Variants in SACS observed in about 807,000 individuals in gnomAD.
The protein encoded by SACS is sacsin.
Under a neutral mutation model 348.0 loss-of-function variants are expected in SACS, and 197 were observed. That is an observed-to-expected ratio of 0.57 (90% CI 0.50 to 0.64). The LOEUF (loss-of-function observed/expected upper bound fraction) is 0.64. SACS is among the 30% of genes least tolerant of loss of function. SACS has a pLI of 0.00. For synonymous variants in SACS, 1,985 were observed against 1,910.6 expected, an observed-to-expected ratio of 1.04 and a Z score of -1.02; for missense variants, 4,999 against 5,360.8, an observed-to-expected ratio of 0.93 and a Z score of 2.11.
chr13:23,358,498 G>A lies in SACS; in HGVS notation c.458-17C>T, dbSNP rs765491872. ...GAGCTGGCCCTAGGTGTGAAAATGC[G>A]CAGGCAGGAATTCAAAAAAGATACC... On this transcript the variant is annotated splice_polypyrimidine_tract_variant and intron_variant, in intron 6 of 9. Transcript: ENST00000382292. 26 of 1,613,658 alleles carry A rather than the reference G, an allele frequency of 1.6e-5. No individual in the cohort carries two copies. The highest frequency in any genetic ancestry group is 1.6e-4 in the Middle Eastern group (1 of 6,082).
intron 2 of SACS, among the ~76,000 whole-genome samples, chr13:23,392,156 A>G (rs1012261679): frequency 1.3e-5 from 2 of 151,820 alleles, no homozygotes; most frequent in African/African-American, 2.4e-5. Context: ...CCTTTTGATG[A>G]CTCTTTTCCT....
rs1218699027 is a variant in SACS at position 23,334,468 on chromosome 13, A to G, written c.9408T>C (p.Val3136=). 6.2e-7 allele frequency: 1 copy of G among 1,612,608 alleles called. No individual in the cohort carries two copies. Among genetic ancestry groups the G allele is most frequent in the African/African-American group, 1.3e-5 (1 of 74,878 alleles). The change falls in exon 10 of 10, where the codon GTT becomes GTC. Residue 3136 remains valine (V), a synonymous_variant. Transcript: ENST00000382292. ...LKLFHSLKLL[V]DYCFKDAEEN... is the part of the protein sequence containing the mutation. ...CTTCTGCATCTTTAAAACAATAATC[A>G]ACTAAAAGTTTTAAACTATGAAAAA...
chr13:23,411,164 A>G, intron 2 of SACS, 56 bp downstream of exon 2: 1 of 1,484,500 alleles, frequency 6.7e-7, no homozygotes. Context: ...GGAAAATCCA[A>G]CAAGTCTTAA....
At chr13:23,427,349 CAG>C (rs1593186454) in intron 1 of SACS, 1 of 152,244 alleles carries the variant, frequency 6.6e-6, no homozygotes, top group African/African-American at 2.4e-5. Context: ...CTGTTAGGGA[CAG>C]GGGCTCCCCT....
chr13:23,402,518 T>TATG (rs1873022164), intron 2 of SACS, among the ~76,000 whole-genome samples: 2 of 152,226 alleles, frequency 1.3e-5, no homozygotes, highest in Admixed American at 6.5e-5. Flanking sequence ...TTTATTTGCA[T>TATG]AAGTTCAATA....
chr13:23,381,355 G>GCACACACACACACA lies in SACS; in HGVS notation c.21-6100_21-6087dup, dbSNP rs71100174. ...TCTGGCTGGACATGGGCAGCACGAAGCACACACACACACACACACACACAC... is the reference window on the plus strand; with the variant it reads ...TCTGGCTGGACATGGGCAGCACGAAGCACACACACACACACACACACACACACACACACACACAC... On this transcript the variant is annotated intron_variant, in intron 2 of 9. Coordinates refer to ENST00000382292, the MANE Select transcript of SACS (RefSeq NM_014363.6). 3.1e-3 allele frequency among the ~76,000 whole-genome samples: 428 copies of GCACACACACACACA among 140,056 alleles called. 2 individuals carry two copies. The highest frequency in any genetic ancestry group is 0.015 in the South Asian group (63 of 4,066). The allele number at this position is 140,056 out of a possible 152,430, so 91.9% of individuals were successfully genotyped here. A position where few individuals can be genotyped will look rare whatever the true frequency, so the allele number is the denominator to read the frequency against.
chr13:23,430,509 A>C (rs1182805281), intron 1 of SACS, among the ~76,000 whole-genome samples: 2 of 152,192 alleles, frequency 1.3e-5, no homozygotes, highest in Non-Finnish European at 2.9e-5. Context: ...TTGTAATCCT[A>C]TCAGGGTTTT....
chr13:23,376,017 A>C (rs1361780357), intron 2 of SACS, among the ~76,000 whole-genome samples: 1 of 152,092 alleles, frequency 6.6e-6, no homozygotes, highest in South Asian at 2.1e-4. Context: ...GTTACAGAAC[A>C]CAAGTGTCTT....
At chr13:23,394,276 C>G (rs1489032106) in intron 2 of SACS, among the ~76,000 whole-genome samples, 2 of 152,156 alleles carry the variant, frequency 1.3e-5, no homozygotes, top group African/African-American at 4.8e-5. Flanking sequence ...AAGAATGCTG[C>G]TAAGTCAGTT....
rs1873746406 is a variant in SACS at position 23,417,843 on chromosome 13, C to G, written c.-501-6103G>C. ...CAGCACTTTGGAACACTGAGGCAGGCGGAACCCCTGAGCTCAGGAGTTTGA... is the reference window on the plus strand; with the variant it reads ...CAGCACTTTGGAACACTGAGGCAGGGGGAACCCCTGAGCTCAGGAGTTTGA... On this transcript the variant is annotated intron_variant, in intron 1 of 9. Transcript: ENST00000382292. Among the ~76,000 whole-genome samples the G allele has an allele frequency of 2.0e-5, 3 of 151,898 alleles. No homozygotes were observed. In the South Asian group the frequency reaches 6.2e-4, roughly 32 times the overall value.
chr13:23,411,191 A>T, intron 2 of SACS, 29 bp downstream of exon 2: 1 of 1,578,678 alleles, frequency 6.3e-7, no homozygotes, highest in Non-Finnish European at 8.7e-7. Flanking sequence ...AATGCAAATT[A>T]TTGTCATTTA....
intron 2 of SACS, among the ~76,000 whole-genome samples, chr13:23,407,889 C>A (rs1034583338): frequency 1.3e-5 from 2 of 152,112 alleles, no homozygotes; most frequent in Non-Finnish European, 2.9e-5. Context: ...CCTTGATAGC[C>A]GATCATTGTT....
chr13:23,353,609 G>A (rs1183379878), intron 9 of SACS, 176 bp downstream of exon 9: 14 of 575,770 alleles, frequency 2.4e-5, no homozygotes, highest in Non-Finnish European at 4.4e-5. Flanking sequence ...GATTCTTTTA[G>A]ACAGCATCTC....
intron 2 of SACS, among the ~76,000 whole-genome samples, chr13:23,382,790 T>G (rs1213766926): frequency 7.5e-6 from 1 of 133,992 alleles, no homozygotes; most frequent in Non-Finnish European, 1.6e-5. Context: ...GTGGTTTTTG[T>G]TTTTTTTTTT....
Position 23,338,938 on chromosome 13 carries a change from C to T in SACS, c.4938G>A (p.Leu1646=), listed in dbSNP as rs1316203129. 5 of 1,613,466 alleles carry T rather than the reference C, an allele frequency of 3.1e-6. No homozygotes were observed. Among genetic ancestry groups the T allele is most frequent in the Non-Finnish European group, 4.2e-6 (5 of 1,179,846 alleles). Residue 1646 remains leucine (L), a synonymous_variant, in exon 10 of 10, where the codon CTG becomes CTA. Transcript: ENST00000382292. The part of the protein sequence containing the change: ...PYSYNGTLFR[L]SFRTQQEAKV... Reference sequence around the variant, plus strand: ...TTGCTTCCTGTTGAGTTCTAAAGGACAGTCGGAAAAGGGTTCCATTATAGC... The same window carrying T: ...TTGCTTCCTGTTGAGTTCTAAAGGATAGTCGGAAAAGGGTTCCATTATAGC...
intron 3 of SACS, chr13:23,373,469 T>G (rs886625257): frequency 6.5e-6 from 1 of 154,422 alleles, no homozygotes; most frequent in Non-Finnish European, 1.4e-5. Context: ...GAGGTTAAGA[T>G]CAATGCCCTC....
intron 1 of SACS, among the ~76,000 whole-genome samples, chr13:23,430,890 T>C (rs768076975): frequency 6.6e-6 from 1 of 152,202 alleles, no homozygotes; most frequent in Non-Finnish European, 1.5e-5. Context: ...ACGTGTCACC[T>C]TGGGTTTCAC....
chr13:23,403,549 T>G (rs1163054814), intron 2 of SACS, among the ~76,000 whole-genome samples: 1 of 152,226 alleles, frequency 6.6e-6, no homozygotes, highest in African/African-American at 2.4e-5. Flanking sequence ...GAGGTGTTTA[T>G]AGTATTCTCT....
Position 23,329,425 on chromosome 13 carries a change from T to C in SACS, c.*711A>G, listed in dbSNP as rs368233436. On this transcript the variant is annotated 3_prime_UTR_variant, in exon 10 of 10. Transcript: ENST00000382292. ...AGTTTCCAGAAACAATACTAACAAC[T>C]GGTAATAAGAACTGCCACCATTTTG... 6 of 770,572 alleles carry C rather than the reference T, an allele frequency of 7.8e-6. No homozygotes were observed. Among genetic ancestry groups the C allele is most frequent in the Non-Finnish European group, 1.2e-5 (5 of 415,160 alleles). 47.7% of individuals were successfully genotyped at this position (770,572 alleles called of 1,614,324 possible).
Sources: allele counts gnomAD v4.1 joint callset (sites outside exome capture counted in the v4.1 genomes callset), GRCh38; gene constraint gnomAD v4.1.1; transcripts MANE v1.5; gene names NCBI Gene and HGNC (gene_info 2026-07-23, HGNC 2026-07-21).